TMCO5A: variants seen among roughly 807,000 people sequenced by gnomAD.
TMCO5A encodes transmembrane and coiled-coil domains 5A, also known as transmembrane and coiled-coil domain-containing protein 5A.
Under a neutral mutation model 42.3 loss-of-function variants are expected in TMCO5A, and 34 were observed. The ratio of observed to expected loss-of-function variants is 0.80; its 90% CI spans 0.61 to 1.07. TMCO5A has a LOEUF of 1.07. TMCO5A is among the 50% of genes least tolerant of loss of function. TMCO5A has a pLI of 0.00. For synonymous variants in TMCO5A, 131 were observed against 115.6 expected, an observed-to-expected ratio of 1.13 and a Z score of -0.86; for missense variants, 357 against 327.9, an observed-to-expected ratio of 1.09 and a Z score of -0.69.
chr15:37,958,510 T>C lies in TMCO5A; in HGVS notation c.669-8115T>C, dbSNP rs559450164. Among the ~76,000 whole-genome samples, 21 of 152,124 alleles carry C rather than the reference T, an allele frequency of 1.4e-4. No individual in the cohort carries two copies. The East Asian group carries it at 3.5e-3, about 25-fold the overall frequency. ...AAAAAAGCTAATCATCACTGGTCAT[T>C]AGAGAAATGCAAATCAAAACCACAA... On this transcript the variant is annotated intron_variant, in intron 11 of 11. Coordinates refer to the TMCO5A transcript ENST00000559502.
At chr15:38,006,667 T>A in the TMCO5A span, among the ~76,000 whole-genome samples, 1 of 152,180 alleles carries the variant, frequency 6.6e-6, no homozygotes, top group African/African-American at 2.4e-5. Context: ...CTAGCAGCAC[T>A]GCATAAAATA....
the TMCO5A span, among the ~76,000 whole-genome samples, chr15:38,033,141 GA>G: frequency 6.6e-6 from 1 of 151,982 alleles, no homozygotes; most frequent in Non-Finnish European, 1.5e-5. Context: ...TGTTAGCCAG[GA>G]TGGTCTCGAT....
At chr15:37,998,417 T>C in the TMCO5A span, among the ~76,000 whole-genome samples, 137 of 152,218 alleles carry the variant, frequency 9.0e-4, no homozygotes, top group Non-Finnish European at 3.1e-4. Context: ...CTTCTGAACA[T>C]GGATATCCAG....
the TMCO5A span, among the ~76,000 whole-genome samples, chr15:38,019,977 ATAAAT>A: frequency 1.3e-5 from 2 of 149,778 alleles, no homozygotes; most frequent in African/African-American, 4.9e-5. Context: ...TTTTTTTTTG[ATAAAT>A]TAAATGTAAT....
At chr15:37,971,813 G>T (rs142563861), downstream of TMCO5A, among the ~76,000 whole-genome samples, 891 of 152,228 alleles carry the variant, frequency 5.9e-3, 4 homozygotes, top group African/African-American at 0.02. Context: ...TTCCCAACAA[G>T]TTCCTCATCT....
chr15:38,038,215 C>T, the TMCO5A span, among the ~76,000 whole-genome samples: 34 of 151,942 alleles, frequency 2.2e-4, no homozygotes, highest in African/African-American at 8.2e-4. Context: ...TCTTTGTTTC[C>T]TAGCAAAACT....
At chr15:37,950,848 T>C (rs1250207793) in intron 11 of TMCO5A, among the ~76,000 whole-genome samples, 188 bp from the exon 12 acceptor site, 1 of 151,952 alleles carries the variant, frequency 6.6e-6, no homozygotes, top group Non-Finnish European at 1.5e-5. Flanking sequence ...AACACGGTAA[T>C]GGACAGAGAA....
At chr15:37,981,986 A>T in the TMCO5A span, among the ~76,000 whole-genome samples, 3 of 152,206 alleles carry the variant, frequency 2.0e-5, no homozygotes, top group Admixed American at 6.5e-5. Flanking sequence ...CATGAACAGT[A>T]GAGGCCACTA....
the TMCO5A span, among the ~76,000 whole-genome samples, chr15:37,982,380 T>C: frequency 6.6e-6 from 1 of 151,056 alleles, no homozygotes; most frequent in Non-Finnish European, 1.5e-5. Flanking sequence ...ATGCCACATA[T>C]ATTAGGTTAC....
intron 4 of TMCO5A, 113 bp downstream of exon 4, chr15:37,937,083 A>C: frequency 4.3e-5 from 63 of 1,463,160 alleles, no homozygotes; most frequent in Middle Eastern, 2.2e-4. Context: ...TAGCCATCTC[A>C]AAAGTCATGA....
At chr15:37,935,157 T>C (rs1889468941) in intron 1 of TMCO5A, 100 bp from the exon 2 acceptor site, 1 of 152,154 alleles carries the variant, frequency 6.6e-6, no homozygotes, top group Admixed American at 6.5e-5. Flanking sequence ...ATGAGTTAAC[T>C]TAATTTGATT....
chr15:37,936,045 G>A, intron 2 of TMCO5A: 1 of 267,504 alleles, frequency 3.7e-6, no homozygotes, highest in Non-Finnish European at 7.0e-6. Context: ...AGGAAGCAAA[G>A]CTTCTCAAGA....
the TMCO5A span, among the ~76,000 whole-genome samples, chr15:38,021,415 G>A: frequency 6.6e-6 from 1 of 152,160 alleles, no homozygotes; most frequent in Admixed American, 6.5e-5. Context: ...CCACCTTGTG[G>A]CTCCACTATT....
At chr15:37,953,038 A>T (rs1011311439), downstream of TMCO5A, among the ~76,000 whole-genome samples, 1 of 152,134 alleles carries the variant, frequency 6.6e-6, no homozygotes, top group Non-Finnish European at 1.5e-5. Flanking sequence ...ATGCTACCTT[A>T]TCTGCAGTAC....
intron 11 of TMCO5A, among the ~76,000 whole-genome samples, chr15:37,949,270 G>A (rs542043954): frequency 4.1e-4 from 63 of 152,120 alleles, no homozygotes; most frequent in African/African-American, 1.5e-3. Context: ...AGTAAGAATT[G>A]CCTCCAAATG....
At chr15:37,974,721 T>C in the TMCO5A span, among the ~76,000 whole-genome samples, 3 of 152,158 alleles carry the variant, frequency 2.0e-5, no homozygotes, top group African/African-American at 7.2e-5. Context: ...ACCTTTTGTA[T>C]GGTTTTTCAC....
At chr15:37,993,081 T>G in the TMCO5A span, among the ~76,000 whole-genome samples, 1 of 152,208 alleles carries the variant, frequency 6.6e-6, no homozygotes, top group African/African-American at 2.4e-5. Context: ...AGTTTATTTT[T>G]TTACAGTTTC....
In TMCO5A at chr15:37,942,175, T is replaced by C. The variant is rs1290611836; in HGVS notation, c.505-16T>C. On this transcript the variant is annotated splice_polypyrimidine_tract_variant and intron_variant, in intron 8 of 11. Coordinates refer to ENST00000319669, the MANE Select transcript of TMCO5A (RefSeq NM_152453.4). ...TTCTAAGTAGTAACTGTGGCTTTCT[T>C]TGTTTCTCTTTGAAGAAGTACCAGG... 1 of 1,611,408 alleles carries C rather than the reference T, an allele frequency of 6.2e-7. No homozygotes were observed. Among genetic ancestry groups the C allele is most frequent in the Admixed American group, 1.7e-5 (1 of 59,622 alleles).
Position 37,941,750 on chromosome 15 carries a change from G to T in TMCO5A, c.504+20G>T. On this transcript the variant is annotated intron_variant, in intron 8 of 11. Transcript: ENST00000319669. The stretch of plus-strand genomic sequence containing the variant: ...ATAAAGGTAGAGCTTCTTGGTAAAG[G>T]GATAGCAAAGGGTTTATTAAGGTAC... 6.3e-7 allele frequency: 1 copy of T among 1,591,232 alleles called. No homozygotes were observed. The highest frequency in any genetic ancestry group is 8.6e-7 in the Non-Finnish European group (1 of 1,159,906).
Sources: allele counts gnomAD v4.1 joint callset (sites outside exome capture counted in the v4.1 genomes callset), GRCh38; gene constraint gnomAD v4.1.1; transcripts MANE v1.5; gene names NCBI Gene and HGNC (gene_info 2026-07-23, HGNC 2026-07-21).